The following PTPN12 variants were observed in gnomAD, a reference collection of about 807,000 sequenced individuals.
The protein encoded by PTPN12 is tyrosine-protein phosphatase non-receptor type 12.
Under a neutral mutation model 97.6 loss-of-function variants are expected in PTPN12, and 29 were observed. The observed-to-expected ratio is 0.30, with a 90% CI of 0.22 to 0.41. The LOEUF (loss-of-function observed/expected upper bound fraction) is 0.41, where lower values mean the gene tolerates loss of function less well. Among genes scored for constraint, PTPN12 ranks in the 10% least tolerant of loss-of-function variants. The pLI is 1.00. For missense variants in PTPN12, 819 were observed against 926.0 expected (o/e 0.88, Z 1.50); for synonymous variants, 327 against 300.4 (o/e 1.09, Z -0.91).
At chr7:77,631,860 A>C (rs1219941006) in intron 13 of PTPN12, among the ~76,000 whole-genome samples, 1 of 152,250 alleles carries the variant, frequency 6.6e-6, no homozygotes, top group African/African-American at 2.4e-5. Flanking sequence ...GACATGACTG[A>C]GGTACACAGT....
intron 1 of PTPN12, among the ~76,000 whole-genome samples, chr7:77,559,673 A>T (rs545749018): frequency 6.6e-6 from 1 of 152,362 alleles, no homozygotes; most frequent in South Asian, 2.1e-4. Context: ...CTCTAGTTTT[A>T]TAAATCATAT....
At chr7:77,604,968 C>G (rs1248955367) in intron 8 of PTPN12, 3 of 316,510 alleles carry the variant, frequency 9.5e-6, no homozygotes, top group African/African-American at 2.2e-5. Context: ...AGATCTGTTC[C>G]TGAACTTTCT....
At position 77,537,509 on chromosome 7, in the gene PTPN12, G is replaced by C. The variant is rs1221820164; in HGVS notation, c.-38G>C. ...GCTCTGTGCCGGGCGGGCGGGCGGCGGGGGGGCCAGCGACCGCAGCCGGGG... is the reference window on the plus strand; with the variant it reads ...GCTCTGTGCCGGGCGGGCGGGCGGCCGGGGGGCCAGCGACCGCAGCCGGGG... On this transcript the variant is annotated 5_prime_UTR_variant, in exon 1 of 18. Coordinates refer to ENST00000248594, the MANE Select transcript of PTPN12 (RefSeq NM_002835.4). 7.1e-6 allele frequency: 11 copies of C among 1,546,548 alleles called. No individual in the cohort carries two copies. The highest frequency in any genetic ancestry group is 2.4e-5 in the South Asian group (2 of 83,976).
chr7:77,614,523 A>G (rs1177086706), intron 11 of PTPN12, among the ~76,000 whole-genome samples: 1 of 152,210 alleles, frequency 6.6e-6, no homozygotes, highest in East Asian at 1.9e-4. Flanking sequence ...GTAGACATAA[A>G]CTAAATGTTT....
chr7:77,635,657 A>T, intron 14 of PTPN12, 125 bp from the exon 15 acceptor site: 1 of 530,432 alleles, frequency 1.9e-6, no homozygotes, highest in Non-Finnish European at 3.2e-6. Flanking sequence ...TTACCCAGAA[A>T]CTACAAAATT....
At chr7:77,589,460 T>TA (rs921343022) in intron 5 of PTPN12, among the ~76,000 whole-genome samples, 2 of 152,208 alleles carry the variant, frequency 1.3e-5, no homozygotes, top group African/African-American at 2.4e-5. Context: ...AAATCAAACT[T>TA]ACAAATTACA....
At chr7:77,558,224 AAAAGAAAAAGAAAAAAG>A (rs1807814631) in intron 1 of PTPN12, among the ~76,000 whole-genome samples, 2 of 151,154 alleles carry the variant, frequency 1.3e-5, no homozygotes, top group African/African-American at 2.4e-5. Flanking sequence ...AAAAAAAAAA[AAAAGAAAAAGAAAAAAG>A]AAAGAAAAAG....
chr7:77,557,393 G>A (rs113351279), intron 1 of PTPN12, among the ~76,000 whole-genome samples: 3 of 152,222 alleles, frequency 2.0e-5, no homozygotes, highest in African/African-American at 4.8e-5. Flanking sequence ...GTGATTCTCC[G>A]TATTCACCTT....
chr7:77,616,215 G>C (rs1788745310), intron 11 of PTPN12, among the ~76,000 whole-genome samples: 1 of 151,868 alleles, frequency 6.6e-6, no homozygotes, highest in Non-Finnish European at 1.5e-5. Context: ...ATCCCTCAAT[G>C]CCATTCTGCA....
chr7:77,608,578 A>G (rs187581631), intron 9 of PTPN12, among the ~76,000 whole-genome samples: 43 of 152,272 alleles, frequency 2.8e-4, no homozygotes, highest in African/African-American at 9.9e-4. Flanking sequence ...TATAGTTTCC[A>G]TGAATTGTTC....
chr7:77,541,347 C>T (rs929749281), intron 1 of PTPN12, among the ~76,000 whole-genome samples: 9 of 152,202 alleles, frequency 5.9e-5, no homozygotes, highest in African/African-American at 2.2e-4. Context: ...CTGCCTCAGC[C>T]TCAAAGTGCT....
chr7:77,603,526 C>T (rs1223773896), intron 8 of PTPN12, among the ~76,000 whole-genome samples: 1 of 152,194 alleles, frequency 6.6e-6, no homozygotes, highest in African/African-American at 2.4e-5. Flanking sequence ...GCTCTTGTTG[C>T]CCAGGCTGGA....
chr7:77,542,278 C>T (rs770179684), intron 1 of PTPN12, among the ~76,000 whole-genome samples: 1 of 152,168 alleles, frequency 6.6e-6, no homozygotes, highest in Non-Finnish European at 1.5e-5. Flanking sequence ...ACATGCTGGT[C>T]CACTCCAGCG....
rs1554326598 is a variant in PTPN12 at position 77,625,472 on chromosome 7, G to GCTTGCGCGCTCTCTCT, written c.1026-1231_1026-1230insTGCGCGCTCTCTCTCT. Among the ~76,000 whole-genome samples the GCTTGCGCGCTCTCTCT allele has an allele frequency of 3.0e-4, 10 of 33,530 alleles. 1 individual carries two copies. Among genetic ancestry groups the GCTTGCGCGCTCTCTCT allele is most frequent in the African/African-American group, 1.2e-3 (9 of 7,530 alleles). The allele number at this position is 33,530 out of a possible 152,430, so 22.0% of individuals were successfully genotyped here. ...TTTTGCCATATTGCCCAGGCTGCTC[G>GCTTGCGCGCTCTCTCT]CTCTCTCTCTCTCTCTCTCTCTCTC... On this transcript the variant is annotated intron_variant, in intron 12 of 17. Transcript: ENST00000248594.
chr7:77,561,068 C>CTTGTT (rs1049288980), intron 1 of PTPN12, among the ~76,000 whole-genome samples: 2 of 152,062 alleles, frequency 1.3e-5, no homozygotes, highest in Non-Finnish European at 1.5e-5. Context: ...GTTATTCTGG[C>CTTGTT]TTGTTTTGTT....
chr7:77,604,894 C>T, intron 8 of PTPN12: 1 of 433,258 alleles, frequency 2.3e-6, no homozygotes, highest in Non-Finnish European at 4.7e-6. Flanking sequence ...TTCTCCTTTG[C>T]CACTTACTGA....
intron 1 of PTPN12, among the ~76,000 whole-genome samples, chr7:77,562,958 C>CCAAA (rs71529080): frequency 8.3e-5 from 11 of 133,228 alleles, no homozygotes; most frequent in Non-Finnish European, 1.8e-4. Context: ...CTAGGCTATG[C>CCAAA]AAAAAAAAAA....
intron 1 of PTPN12, among the ~76,000 whole-genome samples, chr7:77,559,161 C>T (rs767929797): frequency 1.4e-4 from 22 of 152,226 alleles, no homozygotes; most frequent in Non-Finnish European, 2.9e-4. Context: ...AATGCGCTTC[C>T]CTTGTGGACA....
chr7:77,583,053 T>A (rs1032483023), intron 3 of PTPN12, among the ~76,000 whole-genome samples: 2 of 152,210 alleles, frequency 1.3e-5, no homozygotes, highest in Admixed American at 6.5e-5. Context: ...GTTTAGTATT[T>A]TAGTCAGTGA....
Sources: gnomAD v4.1 joint callset for allele counts (sites outside exome capture counted in the v4.1 genomes callset) on GRCh38, gnomAD v4.1.1 for gene constraint, MANE v1.5 for transcripts, NCBI Gene and HGNC (gene_info 2026-07-23, HGNC 2026-07-21) for gene names.